FMN1: variants seen among roughly 807,000 people sequenced by gnomAD.
The protein encoded by FMN1 is formin-1.
A neutral mutation model predicts 132.4 loss-of-function variants in FMN1; 110 were observed. The ratio of observed to expected loss-of-function variants is 0.83; its 90% CI spans 0.71 to 0.97. The LOEUF is 0.97. Among genes scored for constraint, FMN1 ranks in the 50% least tolerant of loss-of-function variants. FMN1 has a pLI of 0.00. For synonymous variants in FMN1, 722 were observed against 651.7 expected (o/e 1.11, Z -1.64); for missense variants, 1,792 against 1,705.3 (o/e 1.05, Z -0.90).
intron 4 of FMN1, among the ~76,000 whole-genome samples, chr15:33,109,886 G>A (rs2730050): frequency 0.71 from 107,688 of 151,342 alleles, 38,644 homozygotes; most frequent in East Asian, 0.84. Context: ...TGTAAATCAG[G>A]AAGTCTAAAA....
In FMN1 at chr15:33,077,367, ATATT is replaced by A. The variant is rs1468319148; in HGVS notation, c.2043+11428_2043+11431del. On this transcript the variant is annotated intron_variant, in intron 5 of 20. Coordinates refer to ENST00000616417, the MANE Select transcript of FMN1 (RefSeq NM_001277313.2). ...TTTTTTTTTTTTAATATATATATAT[ATATT>A]TTTTTTATTATACTTTAAGTTCTAG... 3.2e-3 allele frequency among the ~76,000 whole-genome samples: 304 copies of A among 94,362 alleles called. 2 individuals carry two copies. Among genetic ancestry groups the A allele is most frequent in the East Asian group, 0.03 (56 of 1,876 alleles). 61.9% of individuals were successfully genotyped at this position (94,362 alleles called of 152,430 possible).
intron 4 of FMN1, among the ~76,000 whole-genome samples, chr15:33,107,230 ACAT>A (rs1158708651): frequency 6.6e-6 from 1 of 151,890 alleles, no homozygotes; most frequent in Non-Finnish European, 1.5e-5. Flanking sequence ...ATCACTTCAC[ACAT>A]CATTACCACC....
In FMN1 at chr15:33,088,820, G is replaced by A; in HGVS notation, c.2022C>T (p.Ser674=). The change falls in exon 5 of 21, where the codon AGC becomes AGT. Residue 674 remains serine (S), a synonymous_variant. Transcript: ENST00000616417. ...LHEEREKSNR[S]ELYLDLHPDH... is the part of the protein sequence containing the mutation. ...TTACATGGAGATCCAAGTACAATTCGCTCCTGTTTGACTTCTCCCTTTCCT... is the reference window on the plus strand; with the variant it reads ...TTACATGGAGATCCAAGTACAATTCACTCCTGTTTGACTTCTCCCTTTCCT... The A allele has an allele frequency of 1.3e-6, 2 of 1,535,534 alleles. No homozygotes were observed. The highest frequency in any genetic ancestry group is 1.7e-6 in the Non-Finnish European group (2 of 1,146,666).
chr15:32,966,272 G>GT (rs137862450), intron 8 of FMN1, among the ~76,000 whole-genome samples: 4,814 of 152,252 alleles, frequency 0.032, 106 homozygotes, highest in Middle Eastern at 0.048. Context: ...ACCGTGATCA[G>GT]TTTAAGCACC....
chr15:33,064,458 G>GA (rs1361442401), intron 6 of FMN1: 1 of 152,210 alleles, frequency 6.6e-6, no homozygotes, highest in Admixed American at 6.5e-5. Context: ...TTGCTTTAAA[G>GA]TTGGCCATGC....
At chr15:32,942,231 T>C (rs1378322305) in intron 9 of FMN1, among the ~76,000 whole-genome samples, 1 of 152,222 alleles carries the variant, frequency 6.6e-6, no homozygotes, top group Non-Finnish European at 1.5e-5. Context: ...AGACAAATTA[T>C]TATTATTCCT....
intron 4 of FMN1, among the ~76,000 whole-genome samples, chr15:33,100,771 A>T (rs1244992955): frequency 6.6e-6 from 1 of 152,208 alleles, no homozygotes; most frequent in African/African-American, 2.4e-5. Context: ...GTTATTTGAG[A>T]TCTATTACAA....
At chr15:33,112,310 A>G (rs2039740051) in intron 4 of FMN1, among the ~76,000 whole-genome samples, 1 of 151,240 alleles carries the variant, frequency 6.6e-6, no homozygotes, top group South Asian at 2.1e-4. Flanking sequence ...ATTTTTATAT[A>G]ATTTTGTTTC....
intron 3 of FMN1, among the ~76,000 whole-genome samples, chr15:33,176,429 C>T (rs892781823): frequency 2.0e-5 from 3 of 151,050 alleles, no homozygotes; most frequent in African/African-American, 7.3e-5. Flanking sequence ...TTGCTTGAAC[C>T]CGGGAGGCAA....
At chr15:32,989,790 G>T (rs991970836) in intron 7 of FMN1, among the ~76,000 whole-genome samples, 3 of 152,246 alleles carry the variant, frequency 2.0e-5, no homozygotes, top group South Asian at 4.1e-4. Flanking sequence ...AAACCACAGA[G>T]CCCAGATTAA....
intron 17 of FMN1, among the ~76,000 whole-genome samples, chr15:32,840,512 G>A (rs868040329): frequency 2.0e-5 from 3 of 152,166 alleles, no homozygotes; most frequent in African/African-American, 4.8e-5. Flanking sequence ...GCGTACAAAT[G>A]ACTAAAATCA....
intron 6 of FMN1, among the ~76,000 whole-genome samples, chr15:33,057,919 G>C (rs1330586406): frequency 1.3e-5 from 2 of 152,042 alleles, no homozygotes; most frequent in Non-Finnish European, 2.9e-5. Flanking sequence ...TGCTGAGCTA[G>C]TTGATGGCTA....
intron 4 of FMN1, among the ~76,000 whole-genome samples, chr15:33,090,014 G>A (rs1399257229): frequency 3.9e-5 from 6 of 152,124 alleles, no homozygotes; most frequent in African/African-American, 1.2e-4. Context: ...TCCATTTAAA[G>A]GGACATCTGC....
At chr15:33,106,902 G>C (rs909674323) in intron 4 of FMN1, among the ~76,000 whole-genome samples, 2 of 151,974 alleles carry the variant, frequency 1.3e-5, no homozygotes, top group Admixed American at 6.6e-5. Flanking sequence ...CACTCCATCT[G>C]TCATCTCATT....
rs1212256407 is a variant in FMN1 at position 32,899,972 on chromosome 15, T to C, written c.3654+7A>G. The C allele has an allele frequency of 1.2e-6, 2 of 1,610,954 alleles. No homozygotes were observed. The highest frequency in any genetic ancestry group is 1.7e-4 in the Middle Eastern group (1 of 6,050). On this transcript the variant is annotated splice_region_variant and intron_variant, in intron 14 of 20. Transcript: ENST00000616417. ...GATCATGGGAACTTATTATGAAAAATAAATACCCGACTTTTGACATCCTTG... is the reference window on the plus strand; with the variant it reads ...GATCATGGGAACTTATTATGAAAAACAAATACCCGACTTTTGACATCCTTG...
intron 14 of FMN1, chr15:32,899,752 G>C (rs940114392): frequency 3.5e-6 from 2 of 573,886 alleles, no homozygotes; most frequent in Non-Finnish European, 6.1e-6. Context: ...ACACGAAGAT[G>C]GGAATTGAGT....
At chr15:33,168,031 C>T (rs373029800) in intron 3 of FMN1, among the ~76,000 whole-genome samples, 1 of 152,152 alleles carries the variant, frequency 6.6e-6, no homozygotes, top group South Asian at 2.1e-4. Flanking sequence ...CCGTGTTATT[C>T]ATGGGCCAAC....
intron 6 of FMN1, among the ~76,000 whole-genome samples, chr15:33,028,428 C>T (rs2035781309): frequency 6.6e-6 from 1 of 151,958 alleles, no homozygotes; most frequent in Admixed American, 6.6e-5. Flanking sequence ...CTGGGTTCTT[C>T]CTTACCCTAC....
At chr15:33,174,167 A>G (rs999727125) in intron 3 of FMN1, among the ~76,000 whole-genome samples, 21 of 152,184 alleles carry the variant, frequency 1.4e-4, no homozygotes, top group African/African-American at 4.8e-4. Context: ...AAGAAGCTCA[A>G]TGAAAAATAT....
Sources: gnomAD v4.1 joint callset for allele counts (sites outside exome capture counted in the v4.1 genomes callset) on GRCh38, gnomAD v4.1.1 for gene constraint, MANE v1.5 for transcripts, NCBI Gene and HGNC (gene_info 2026-07-23, HGNC 2026-07-21) for gene names.